GALNT18: variants seen among roughly 807,000 people sequenced by gnomAD.
GALNT18 encodes polypeptide N-acetylgalactosaminyltransferase 18.
GALNT18 carries 44 observed loss-of-function variants against 69.5 expected under a neutral mutation model. The observed-to-expected ratio is 0.63, with a 90% CI of 0.50 to 0.81. GALNT18 has a LOEUF of 0.81. GALNT18 is among the 40% of genes least tolerant of loss of function. GALNT18 has a pLI of 0.00. For missense variants in GALNT18, 715 were observed against 810.0 expected, an observed-to-expected ratio of 0.88 and a Z score of 1.42; for synonymous variants, 364 against 318.2, an observed-to-expected ratio of 1.14 and a Z score of -1.53.
At chr11:11,442,413 A>G (rs1855549100) in intron 2 of GALNT18, among the ~76,000 whole-genome samples, 1 of 152,016 alleles carries the variant, frequency 6.6e-6, no homozygotes, top group Non-Finnish European at 1.5e-5. Flanking sequence ...GGTATGGGGG[A>G]TTAGGATGTG....
At chr11:11,548,262 C>T (rs928698755) in intron 1 of GALNT18, among the ~76,000 whole-genome samples, 3 of 152,244 alleles carry the variant, frequency 2.0e-5, no homozygotes, top group Non-Finnish European at 4.4e-5. Context: ...CACAGGCTGA[C>T]ATTTCCAATC....
chr11:11,278,642 G>C (rs1337258224), intron 10 of GALNT18, among the ~76,000 whole-genome samples: 2 of 151,884 alleles, frequency 1.3e-5, no homozygotes, highest in Non-Finnish European at 2.9e-5. Context: ...ACATATGGGA[G>C]TTAAAATTAA....
rs1365727556 is a variant in GALNT18, at chr11:11,372,479, C to G, written c.1092+36G>C. 1 of 1,544,916 alleles carries G rather than the reference C, an allele frequency of 6.5e-7. No homozygotes were observed. The highest frequency in any genetic ancestry group is 9.0e-7 in the Non-Finnish European group (1 of 1,117,046). On this transcript the variant is annotated intron_variant, in intron 6 of 10. Transcript: ENST00000227756. The surrounding 1 kb of genome is among the most constrained non-coding windows in gnomAD (Gnocchi z 4.9). ...CCAGACTCATTCACCCTGGTGGGAG[C>G]TGAGCCGAGCAGTTTGAGTGAGAAA...
At chr11:11,552,850 C>A (rs1858232657) in intron 1 of GALNT18, among the ~76,000 whole-genome samples, 1 of 152,134 alleles carries the variant, frequency 6.6e-6, no homozygotes, top group African/African-American at 2.4e-5. Flanking sequence ...AACCAGGTCC[C>A]AGCCTCACCT....
intron 3 of GALNT18, among the ~76,000 whole-genome samples, chr11:11,431,063 T>C (rs1855252250): frequency 6.6e-6 from 1 of 152,216 alleles, no homozygotes; most frequent in Non-Finnish European, 1.5e-5. Context: ...CCATATGACT[T>C]AGAGTCCAAA....
At chr11:11,566,322 A>G (rs1858651626) in intron 1 of GALNT18, among the ~76,000 whole-genome samples, 1 of 152,234 alleles carries the variant, frequency 6.6e-6, no homozygotes, top group Non-Finnish European at 1.5e-5. Flanking sequence ...ACTGTGCTCC[A>G]ATAAAACTTT....
rs201807747 is a variant in GALNT18 at position 11,607,840 on chromosome 11, T to G, written c.235+13519A>C. Among the ~76,000 whole-genome samples, 18 of 152,300 alleles carry G rather than the reference T, an allele frequency of 1.2e-4. No individual in the cohort carries two copies. In the East Asian group the frequency reaches 3.3e-3, roughly 28 times the overall value. On this transcript the variant is annotated intron_variant, in intron 1 of 10. Coordinates refer to ENST00000227756, the MANE Select transcript of GALNT18 (RefSeq NM_198516.3). ...TAACCCACCAGGTAACCAGACACCC[T>G]GCATGACTCTTCCACCAGCCAAGGT...
chr11:11,608,307 C>G (rs573013827), intron 1 of GALNT18, among the ~76,000 whole-genome samples: 1 of 152,246 alleles, frequency 6.6e-6, no homozygotes, highest in South Asian at 2.1e-4. Context: ...AACTTGTTGT[C>G]CCCGGTAGCT....
chr11:11,398,185 C>G (rs553227302), intron 3 of GALNT18, among the ~76,000 whole-genome samples: 1 of 152,280 alleles, frequency 6.6e-6, no homozygotes, highest in Admixed American at 6.5e-5. Context: ...GTAGCAGAGG[C>G]TTGATTCAAA....
intron 1 of GALNT18, among the ~76,000 whole-genome samples, chr11:11,558,472 C>T (rs1375475879): frequency 6.6e-6 from 1 of 152,242 alleles, no homozygotes; most frequent in African/African-American, 2.4e-5. Context: ...CTGGGCTCTG[C>T]GGAGGGCACA....
rs1251192101 is a variant in GALNT18 at position 11,584,129 on chromosome 11, A to C, written c.235+37230T>G. Among the ~76,000 whole-genome samples the C allele has an allele frequency of 2.0e-5, 3 of 152,078 alleles. No individual in the cohort carries two copies. The highest frequency in any genetic ancestry group is 7.2e-5 in the African/African-American group (3 of 41,402). On this transcript the variant is annotated intron_variant, in intron 1 of 10. Transcript: ENST00000227756. The surrounding 1 kb of genome is among the most constrained non-coding windows in gnomAD (Gnocchi z 4.1). ...GGAGAGAAGTAAAAAGGGGAAGTAG[A>C]AGAAGCGGCCCCTGAGATTCCAGGG...
chr11:11,375,231 A>T (rs1012143513), intron 5 of GALNT18, among the ~76,000 whole-genome samples: 1 of 152,240 alleles, frequency 6.6e-6, no homozygotes, highest in Non-Finnish European at 1.5e-5. Flanking sequence ...CTTTCTGTGG[A>T]GCTGTCTTCA....
Position 11,621,387 on chromosome 11 carries a change from C to G in GALNT18, c.207G>C (p.Leu69=). ...GAATGTGCTGCTTGATGACATTCTC[C>G]AGGTGGTCCAGCCGCTCAATAATCT... ...TLKIIERLDH[L]ENVIKQHIQE... The change falls in exon 1 of 11, where the codon CTG becomes CTC. Residue 69 remains leucine, a synonymous_variant. Coordinates refer to ENST00000227756, the MANE Select transcript of GALNT18 (RefSeq NM_198516.3). This position sits in a 1 kb window ranked among gnomAD's most constrained non-coding sequence, Gnocchi z 9.3. The G allele has an allele frequency of 6.2e-7, 1 of 1,614,084 alleles. No individual in the cohort carries two copies. The highest frequency in any genetic ancestry group is 8.5e-7 in the Non-Finnish European group (1 of 1,179,986).
intron 6 of GALNT18, among the ~76,000 whole-genome samples, chr11:11,369,340 T>C (rs987005281): frequency 6.6e-6 from 1 of 152,198 alleles, no homozygotes; most frequent in Non-Finnish European, 1.5e-5. Context: ...TCTTTGCCTG[T>C]TCCAGCTTTC....
chr11:11,512,144 G>A (rs1014929379), intron 1 of GALNT18, among the ~76,000 whole-genome samples: 5 of 152,130 alleles, frequency 3.3e-5, no homozygotes, highest in African/African-American at 7.2e-5. Flanking sequence ...CACCAAAGAC[G>A]AAAGCCAATT....
At chr11:11,395,831 C>T (rs567879897) in intron 3 of GALNT18, among the ~76,000 whole-genome samples, 14 of 152,152 alleles carry the variant, frequency 9.2e-5, no homozygotes, top group South Asian at 4.2e-4. Context: ...GGCTCTGAAA[C>T]GCTGGGGAAA....
chr11:11,330,024 A>C (rs1438000165), intron 8 of GALNT18, among the ~76,000 whole-genome samples: 2 of 152,268 alleles, frequency 1.3e-5, no homozygotes, highest in African/African-American at 4.8e-5. Context: ...ATGCCCCTCC[A>C]TCTCTACTCT....
At chr11:11,343,287 G>A (rs760312529) in intron 6 of GALNT18, among the ~76,000 whole-genome samples, 1 of 152,062 alleles carries the variant, frequency 6.6e-6, no homozygotes, top group Non-Finnish European at 1.5e-5. Flanking sequence ...GGTGGAAGCT[G>A]CAGTGAGCCC....
At chr11:11,612,071 A>C (rs1159386630) in intron 1 of GALNT18, among the ~76,000 whole-genome samples, 1 of 152,162 alleles carries the variant, frequency 6.6e-6, no homozygotes, top group East Asian at 1.9e-4. Flanking sequence ...TATTCTGTAG[A>C]GAGCATTGGT....
Sources: allele counts gnomAD v4.1 joint callset (sites outside exome capture counted in the v4.1 genomes callset), GRCh38; gene constraint gnomAD v4.1.1; non-coding constraint Gnocchi (gnomAD v3.1); transcripts MANE v1.5; gene names NCBI Gene and HGNC (gene_info 2026-07-23, HGNC 2026-07-21).